Variants in PCDHGB3 observed in about 807,000 individuals in gnomAD.
The protein encoded by PCDHGB3 is protocadherin gamma-B3.
Under a neutral mutation model 59.2 loss-of-function variants are expected in PCDHGB3, and 40 were observed. The observed-to-expected ratio is 0.68, with a 90% confidence interval of 0.52 to 0.88. PCDHGB3 has a LOEUF of 0.88. Among genes scored for constraint, PCDHGB3 ranks in the 40% least tolerant of loss-of-function variants. PCDHGB3 has a pLI of 0.00. For missense variants in PCDHGB3, 1,309 were observed against 1,187.9 expected, an observed-to-expected ratio of 1.10 and a Z score of -1.50; for synonymous variants, 581 against 503.6, an observed-to-expected ratio of 1.15 and a Z score of -2.06.
chr5:141,461,389 G>T (rs2099014363), intron 1 of PCDHGB3, among the ~76,000 whole-genome samples: 1 of 152,110 alleles, frequency 6.6e-6, no homozygotes. Context: ...CTGATGATTA[G>T]CGATGTTGAG....
In PCDHGB3 at chr5:141,491,707, G is replaced by A. The variant is rs1337506934; in HGVS notation, c.2416-3100G>A. ...GCTGCGGGAGCGGAGCCAGGTGAGG[G>A]GCTCGGCGCCGCCCCGGGCGACCCC... On this transcript the variant is annotated intron_variant, in intron 1 of 3. Transcript: ENST00000576222. The surrounding 1 kb of genome is among the most constrained non-coding windows in gnomAD (Gnocchi z 6.9). The A allele has an allele frequency of 6.2e-6, 10 of 1,610,604 alleles. No homozygotes were observed. Among genetic ancestry groups the A allele is most frequent in the Admixed American group, 1.7e-5 (1 of 59,554 alleles).
Position 141,490,066 on chromosome 5 carries a change from C to G in PCDHGB3, c.2416-4741C>G. ...TGATCCAGACGAGGGCACCAACGGC[C>G]AACTAGACTATTCTTTTGGAGACCA... On this transcript the variant is annotated intron_variant, in intron 1 of 3. Coordinates refer to ENST00000576222, the MANE Select transcript of PCDHGB3 (RefSeq NM_018924.5). The surrounding 1 kb of genome is among the most constrained non-coding windows in gnomAD (Gnocchi z 5.4). The G allele has an allele frequency of 1.2e-6, 2 of 1,614,248 alleles. No individual in the cohort carries two copies. Among genetic ancestry groups the G allele is most frequent in the Non-Finnish European group, 1.7e-6 (2 of 1,180,034 alleles).
intron 1 of PCDHGB3, among the ~76,000 whole-genome samples, chr5:141,455,204 T>G (rs1173402170): frequency 6.6e-6 from 1 of 152,052 alleles, no homozygotes; most frequent in Admixed American, 6.6e-5. Context: ...TTACAACCAA[T>G]AAGAGTTTTT....
chr5:141,417,892 C>G lies in PCDHGB3; in HGVS notation c.2415+45083C>G, dbSNP rs550343206. On this transcript the variant is annotated intron_variant, in intron 1 of 3. Coordinates refer to ENST00000576222, the MANE Select transcript of PCDHGB3 (RefSeq NM_018924.5). Reference sequence around the variant, plus strand: ...GGAGCTGCGCGCAGAGGCGCCGGGCCGGCCCGCGGCAGGTACTATTTCCTT... The same window carrying G: ...GGAGCTGCGCGCAGAGGCGCCGGGCGGGCCCGCGGCAGGTACTATTTCCTT... 2.2e-4 allele frequency: 348 copies of G among 1,570,774 alleles called. 2 individuals carry two copies. The South Asian group carries it at 3.7e-3, about 17-fold the overall frequency.
At chr5:141,500,991 C>T (rs2099804636) in intron 2 of PCDHGB3, among the ~76,000 whole-genome samples, 1 of 152,024 alleles carries the variant, frequency 6.6e-6, no homozygotes, top group South Asian at 2.1e-4. Flanking sequence ...GCCTCAGCCT[C>T]CTGAGTAGCT....
chr5:141,399,327 G>C (rs2093787081), intron 1 of PCDHGB3: 2 of 1,613,936 alleles, frequency 1.2e-6, no homozygotes, highest in African/African-American at 1.3e-5. Flanking sequence ...CGTATAAGTT[G>C]GTAACAGATG....
In PCDHGB3 at chr5:141,375,793, C is replaced by A. The variant is rs761231690; in HGVS notation, c.2415+2984C>A. 31 of 1,614,110 alleles carry A rather than the reference C, an allele frequency of 1.9e-5. No homozygotes were observed. The highest frequency in any genetic ancestry group is 2.5e-5 in the Non-Finnish European group (29 of 1,180,038). ...TCCTGTACCCCGCCCTCCCCACAGACGGTTCCACTGGCGTGGAGCTGGCGC... is the reference window on the plus strand; with the variant it reads ...TCCTGTACCCCGCCCTCCCCACAGAAGGTTCCACTGGCGTGGAGCTGGCGC... On this transcript the variant is annotated intron_variant, in intron 1 of 3. Coordinates refer to ENST00000576222, the MANE Select transcript of PCDHGB3 (RefSeq NM_018924.5).
chr5:141,402,979 C>G (rs372858164), intron 1 of PCDHGB3: 9 of 1,608,716 alleles, frequency 5.6e-6, no homozygotes, highest in Non-Finnish European at 7.6e-6. Flanking sequence ...AATGCCAGCT[C>G]CGCGGAAGAT....
chr5:141,478,096 T>C (rs749277013), intron 1 of PCDHGB3: 1 of 1,614,074 alleles, frequency 6.2e-7, no homozygotes, highest in South Asian at 1.1e-5. Context: ...CCACCACTGC[T>C]ACCCTCACTG....
At chr5:141,382,571 A>G (rs1016420360) in intron 1 of PCDHGB3, among the ~76,000 whole-genome samples, 2 of 152,244 alleles carry the variant, frequency 1.3e-5, no homozygotes, top group Admixed American at 6.5e-5. Flanking sequence ...AAGAAATCTA[A>G]CAGGGAAATT....
At chr5:141,506,213 A>G (rs2154593866) in intron 3 of PCDHGB3, among the ~76,000 whole-genome samples, 1 of 152,204 alleles carries the variant, frequency 6.6e-6, no homozygotes, top group South Asian at 2.1e-4. Flanking sequence ...CACTTTGGGA[A>G]GCTGAGGCAG....
chr5:141,428,646 C>T (rs542682298), intron 1 of PCDHGB3: 7 of 170,630 alleles, frequency 4.1e-5, no homozygotes, highest in South Asian at 3.0e-4. Flanking sequence ...CTCCTACTCA[C>T]GTGAGTTCCA....
intron 1 of PCDHGB3, among the ~76,000 whole-genome samples, chr5:141,488,497 C>CA (rs1415483796): frequency 4.6e-5 from 7 of 152,204 alleles, no homozygotes; most frequent in African/African-American, 1.7e-4. Flanking sequence ...CTGTAACACT[C>CA]ATTCCACATT....
At chr5:141,423,920 G>A (rs2096790804) in intron 1 of PCDHGB3, 2 of 1,258,728 alleles carry the variant, frequency 1.6e-6, no homozygotes, top group African/African-American at 1.6e-5. Flanking sequence ...ATTCAACTAT[G>A]CTGGTTTGGT....
intron 1 of PCDHGB3, chr5:141,374,341 C>G: frequency 7.4e-6 from 12 of 1,613,988 alleles, no homozygotes; most frequent in Non-Finnish European, 8.5e-6. Flanking sequence ...GCTTGGTCAC[C>G]GCGGGTAGGA....
At chr5:141,408,683 G>C in intron 1 of PCDHGB3, 2 of 1,613,906 alleles carry the variant, frequency 1.2e-6, no homozygotes, top group Non-Finnish European at 1.7e-6. Flanking sequence ...CACGGATCCT[G>C]ATATAAACAT....
chr5:141,430,938 C>A, intron 1 of PCDHGB3: 1 of 1,607,082 alleles, frequency 6.2e-7, no homozygotes, highest in Non-Finnish European at 8.5e-7. Context: ...CGGGAGCTCG[C>A]GGAGCGCGGA....
intron 1 of PCDHGB3, chr5:141,378,509 C>T (rs60712207): frequency 0.33 from 49,377 of 151,848 alleles, 8,313 homozygotes; most frequent in Admixed American, 0.44. Flanking sequence ...GGTGACAGAG[C>T]GAGACTCTGT....
In PCDHGB3 at chr5:141,382,960, G is replaced by C. The variant is rs62621829; in HGVS notation, c.2415+10151G>C. The C allele has an allele frequency of 3.2e-4, 511 of 1,607,476 alleles. 2 individuals are homozygous for C. The highest frequency in any genetic ancestry group is 5.5e-5 in the Non-Finnish European group (65 of 1,175,660). On this transcript the variant is annotated intron_variant, in intron 1 of 3. Coordinates refer to ENST00000576222, the MANE Select transcript of PCDHGB3 (RefSeq NM_018924.5). ...ATTCTTCCTGCTCTCCATCCTCCTGGGGACCCCCTGGGAAGCCTGGGCAGG... is the reference window on the plus strand; with the variant it reads ...ATTCTTCCTGCTCTCCATCCTCCTGCGGACCCCCTGGGAAGCCTGGGCAGG...
Sources: allele counts gnomAD v4.1 joint callset (sites outside exome capture counted in the v4.1 genomes callset), GRCh38; gene constraint gnomAD v4.1.1; non-coding constraint Gnocchi (gnomAD v3.1); transcripts MANE v1.5; gene names NCBI Gene and HGNC (gene_info 2026-07-23, HGNC 2026-07-21).